The following SGCZ variants were observed in gnomAD, a reference collection of about 807,000 sequenced individuals.
The protein encoded by SGCZ is sarcoglycan zeta.
In SGCZ, 40 loss-of-function variants were observed where a neutral mutation model predicts 41.3. That is an observed-to-expected ratio of 0.97 (90% CI 0.75 to 1.26). The LOEUF (loss-of-function observed/expected upper bound fraction) is 1.26. Ranked by LOEUF, SGCZ falls within the 50% of genes most tolerant of loss-of-function variation. The probability of loss-of-function intolerance (pLI) is 0.00; values close to 1 mark genes in which losing one functional copy is unlikely to be tolerated. For missense variants in SGCZ, 552 were observed against 369.8 expected (o/e 1.49, Z -4.04); for synonymous variants, 206 against 137.5 (o/e 1.50, Z -3.49).
At chr8:14,091,726 T>C (rs1801694294) in intron 7 of SGCZ, among the ~76,000 whole-genome samples, 1 of 152,208 alleles carries the variant, frequency 6.6e-6, no homozygotes. Flanking sequence ...GTTCTGGATA[T>C]TAACCGTTTG....
At chr8:14,470,094 C>A (rs1299288384) in intron 2 of SGCZ, among the ~76,000 whole-genome samples, 1 of 152,068 alleles carries the variant, frequency 6.6e-6, no homozygotes, top group African/African-American at 2.4e-5. Flanking sequence ...AGACTGAGCA[C>A]TCAATCTGTG....
chr8:14,212,319 G>A (rs10105439), intron 4 of SGCZ, among the ~76,000 whole-genome samples: 2,832 of 152,038 alleles, frequency 0.019, 90 homozygotes, highest in African/African-American at 0.064. Context: ...CTATGGCCAC[G>A]GCATCTCCAA....
intron 1 of SGCZ, among the ~76,000 whole-genome samples, chr8:14,955,946 T>C (rs1005071323): frequency 1.3e-5 from 2 of 152,236 alleles, no homozygotes; most frequent in Middle Eastern, 3.4e-3. Flanking sequence ...TTAGAGATTC[T>C]CTAAAACTTT....
chr8:14,431,700 A>G (rs1799946171), intron 2 of SGCZ, among the ~76,000 whole-genome samples: 1 of 152,236 alleles, frequency 6.6e-6, no homozygotes, highest in Non-Finnish European at 1.5e-5. Context: ...ACTTAATTAA[A>G]TGAAAGAACT....
chr8:14,557,978 G>A (rs1240301992), intron 1 of SGCZ, among the ~76,000 whole-genome samples: 1 of 152,006 alleles, frequency 6.6e-6, no homozygotes, highest in Non-Finnish European at 1.5e-5. Flanking sequence ...GAAATGAAAT[G>A]GGAGACAATA....
chr8:14,391,553 G>C (rs1804774943), intron 2 of SGCZ, among the ~76,000 whole-genome samples: 1 of 152,076 alleles, frequency 6.6e-6, no homozygotes, highest in Non-Finnish European at 1.5e-5. Flanking sequence ...AGGAAGTGTG[G>C]CTAGAGGAGA....
chr8:14,162,970 A>C (rs1367897409), intron 5 of SGCZ, among the ~76,000 whole-genome samples: 1 of 152,196 alleles, frequency 6.6e-6, no homozygotes, highest in Non-Finnish European at 1.5e-5. Flanking sequence ...TCCTGGGCTC[A>C]AGCCATCCTC....
intron 1 of SGCZ, among the ~76,000 whole-genome samples, chr8:14,673,419 G>T (rs539082635): frequency 4.6e-5 from 7 of 150,946 alleles, no homozygotes; most frequent in Non-Finnish European, 1.5e-5. Context: ...TCTCGCGCTC[G>T]CGCTGTCTCT....
intron 1 of SGCZ, among the ~76,000 whole-genome samples, chr8:15,017,884 A>T (rs1171790135): frequency 6.6e-6 from 1 of 152,110 alleles, no homozygotes; most frequent in African/African-American, 2.4e-5. Context: ...AAATGCTCTT[A>T]TCTCTTTGCA....
intron 5 of SGCZ, among the ~76,000 whole-genome samples, chr8:14,120,146 A>T (rs1802654871): frequency 1.3e-5 from 2 of 152,186 alleles, no homozygotes; most frequent in South Asian, 4.1e-4. Context: ...TCATATGGAA[A>T]CCAGCAATAA....
chr8:14,493,599 C>T (rs1801909089), intron 2 of SGCZ, among the ~76,000 whole-genome samples: 2 of 151,464 alleles, frequency 1.3e-5, no homozygotes, highest in South Asian at 4.2e-4. Context: ...ATATCGTGAC[C>T]TCATGATCTG....
intron 5 of SGCZ, among the ~76,000 whole-genome samples, chr8:14,122,449 A>T (rs1253518792): frequency 6.6e-6 from 1 of 152,188 alleles, no homozygotes; most frequent in Non-Finnish European, 1.5e-5. Flanking sequence ...CTTTATGTGC[A>T]CAGAGATGTA....
At chr8:14,372,257 G>C (rs1467127529) in intron 2 of SGCZ, among the ~76,000 whole-genome samples, 1 of 152,188 alleles carries the variant, frequency 6.6e-6, no homozygotes, top group Non-Finnish European at 1.5e-5. Context: ...AAGTCTCTTA[G>C]TAACGACCTT....
At chr8:14,710,535 T>A (rs920143065) in intron 1 of SGCZ, among the ~76,000 whole-genome samples, 1 of 152,110 alleles carries the variant, frequency 6.6e-6, no homozygotes. Flanking sequence ...CCAGTCTTTA[T>A]AAAGTTTTTC....
intron 1 of SGCZ, among the ~76,000 whole-genome samples, chr8:15,219,166 T>C (rs905554443): frequency 2.6e-5 from 4 of 152,210 alleles, no homozygotes; most frequent in African/African-American, 9.6e-5. Flanking sequence ...TATTTATTAA[T>C]CATGATTTAA....
intron 1 of SGCZ, among the ~76,000 whole-genome samples, chr8:15,048,171 T>A (rs1428669996): frequency 1.3e-5 from 2 of 152,166 alleles, no homozygotes; most frequent in African/African-American, 4.8e-5. Context: ...AAACCTGTCA[T>A]TTGCAGCAAC....
intron 1 of SGCZ, among the ~76,000 whole-genome samples, chr8:14,800,315 C>T (rs549695131): frequency 3.9e-5 from 6 of 152,198 alleles, no homozygotes; most frequent in African/African-American, 1.4e-4. Context: ...TTTTTTAATA[C>T]TTAACCTGTT....
At chr8:14,295,470 T>G (rs1417606515) in intron 3 of SGCZ, among the ~76,000 whole-genome samples, 1 of 152,184 alleles carries the variant, frequency 6.6e-6, no homozygotes, top group Non-Finnish European at 1.5e-5. Flanking sequence ...CCATAATCAT[T>G]CCTTTTAAAA....
Position 14,087,183 on chromosome 8 carries a change from T to C in SGCZ, c.*3260A>G, listed in dbSNP as rs79376252. Among the ~76,000 whole-genome samples, 4,967 of 151,634 alleles carry C rather than the reference T, an allele frequency of 0.033. 112 individuals carry two copies. The highest frequency in any genetic ancestry group is 0.043 in the Non-Finnish European group (2,902 of 67,672). ...AAAACATATCATTCACAATAAAATATATATATTTTAGACATAAATGTGTGT... is the reference window on the plus strand; with the variant it reads ...AAAACATATCATTCACAATAAAATACATATATTTTAGACATAAATGTGTGT... On this transcript the variant is annotated 3_prime_UTR_variant, in exon 8 of 8. Coordinates refer to ENST00000382080, the MANE Select transcript of SGCZ (RefSeq NM_139167.4).
Sources: gnomAD v4.1 joint callset for allele counts (sites outside exome capture counted in the v4.1 genomes callset) on GRCh38, gnomAD v4.1.1 for gene constraint, MANE v1.5 for transcripts, NCBI Gene and HGNC (gene_info 2026-07-23, HGNC 2026-07-21) for gene names.